SGCD: variants seen among roughly 807,000 people sequenced by gnomAD.
The protein encoded by SGCD is sarcoglycan delta, also known as delta-sarcoglycan.
Under a neutral mutation model 36.6 loss-of-function variants are expected in SGCD, and 18 were observed. The observed-to-expected ratio is 0.49, with a 90% CI of 0.34 to 0.73. SGCD has a LOEUF of 0.73. Among genes scored for constraint, SGCD ranks in the 30% least tolerant of loss-of-function variants. SGCD has a pLI of 0.01. For synonymous variants in SGCD, 133 were observed against 130.6 expected, an observed-to-expected ratio of 1.02 and a Z score of -0.12; for missense variants, 387 against 346.7, an observed-to-expected ratio of 1.12 and a Z score of -0.92.
At chr5:156,071,050 C>G (rs1279390373) in intron 1 of SGCD, among the ~76,000 whole-genome samples, 1 of 152,152 alleles carries the variant, frequency 6.6e-6, no homozygotes, top group African/African-American at 2.4e-5. Flanking sequence ...TGCTAGCGGT[C>G]TATCAATTTT....
At chr5:156,202,941 A>G (rs1169375806) in intron 3 of SGCD, among the ~76,000 whole-genome samples, 2 of 152,056 alleles carry the variant, frequency 1.3e-5, no homozygotes, top group Non-Finnish European at 2.9e-5. Flanking sequence ...TTGAATTTTC[A>G]TAGGCAAGCA....
At chr5:155,882,763 G>T (rs748630075) in intron 1 of SGCD, among the ~76,000 whole-genome samples, 2 of 152,252 alleles carry the variant, frequency 1.3e-5, no homozygotes, top group African/African-American at 2.4e-5. Flanking sequence ...TAGATGAAGG[G>T]CAGTAGGATT....
chr5:156,045,766 C>T (rs1759749802), intron 1 of SGCD, among the ~76,000 whole-genome samples: 1 of 152,096 alleles, frequency 6.6e-6, no homozygotes, highest in Admixed American at 6.6e-5. Flanking sequence ...ATCTCTTCTC[C>T]TGAAGACACT....
At chr5:155,795,877 A>T in the SGCD span, among the ~76,000 whole-genome samples, 1 of 152,188 alleles carries the variant, frequency 6.6e-6, no homozygotes, top group Non-Finnish European at 1.5e-5. Context: ...CTAAAGCCAG[A>T]TGCGTAAAGA....
the SGCD span, among the ~76,000 whole-genome samples, chr5:155,815,424 C>A: frequency 6.6e-6 from 1 of 152,156 alleles, no homozygotes; most frequent in Non-Finnish European, 1.5e-5. Flanking sequence ...TTGAGCTATC[C>A]ATTATCCTAG....
At chr5:156,663,495 C>A (rs1764018117) in intron 7 of SGCD, among the ~76,000 whole-genome samples, 1 of 149,268 alleles carries the variant, frequency 6.7e-6, no homozygotes, top group African/African-American at 2.5e-5. Context: ...CTTTTTATTT[C>A]ACTATTTCCA....
chr5:156,460,696 T>G (rs1039542280), intron 3 of SGCD, among the ~76,000 whole-genome samples: 5 of 152,104 alleles, frequency 3.3e-5, no homozygotes, highest in Admixed American at 1.3e-4. Flanking sequence ...AGTTAAGGGG[T>G]GACTCACTCT....
At chr5:156,605,369 A>C (rs1761391524) in intron 6 of SGCD, among the ~76,000 whole-genome samples, 1 of 152,190 alleles carries the variant, frequency 6.6e-6, no homozygotes. Flanking sequence ...GTCCCTACAA[A>C]GGACATGAAC....
At chr5:156,724,615 A>T (rs1755680647) in intron 7 of SGCD, among the ~76,000 whole-genome samples, 1 of 152,192 alleles carries the variant, frequency 6.6e-6, no homozygotes, top group Non-Finnish European at 1.5e-5. Flanking sequence ...TCCAAAAAAA[A>T]AAAAGAAAGA....
At chr5:156,241,305 C>A (rs1765301656) in intron 3 of SGCD, among the ~76,000 whole-genome samples, 1 of 147,434 alleles carries the variant, frequency 6.8e-6, no homozygotes, top group Admixed American at 6.8e-5. Flanking sequence ...TGTGCATAAT[C>A]TTTAGTTAGA....
Position 156,122,623 on chromosome 5 carries a change from C to T in SGCD, c.-207-1233C>T, listed in dbSNP as rs1338756860. ...GGGGGAAAAGAGTGGAAGATGAGGA[C>T]GGTGGTAAGAGAGATGCATCAAATA... On this transcript the variant is annotated intron_variant, in intron 2 of 9. Coordinates refer to the SGCD transcript ENST00000517913. 4.6e-5 allele frequency among the ~76,000 whole-genome samples: 7 copies of T among 151,556 alleles called. No homozygotes were observed. In the East Asian group the frequency reaches 7.8e-4, roughly 17 times the overall value.
intron 3 of SGCD, among the ~76,000 whole-genome samples, chr5:156,417,301 G>T (rs911940458): frequency 6.6e-6 from 1 of 152,082 alleles, no homozygotes; most frequent in Non-Finnish European, 1.5e-5. Context: ...CAAGCAATAA[G>T]GCTGTTGCAT....
At chr5:156,218,775 A>C (rs1232115241) in intron 3 of SGCD, among the ~76,000 whole-genome samples, 1 of 152,322 alleles carries the variant, frequency 6.6e-6, no homozygotes, top group East Asian at 1.9e-4. Flanking sequence ...GTACATGTGT[A>C]TATTCAGCCT....
chr5:156,609,179 G>A (rs11953741), intron 6 of SGCD, among the ~76,000 whole-genome samples: 5,399 of 152,064 alleles, frequency 0.036, 319 homozygotes, highest in African/African-American at 0.12. Context: ...GCAGTGGCTG[G>A]TACCGGTTGT....
At chr5:156,722,758 G>A (rs577650112) in intron 7 of SGCD, among the ~76,000 whole-genome samples, 1 of 152,226 alleles carries the variant, frequency 6.6e-6, no homozygotes, top group Non-Finnish European at 1.5e-5. Context: ...GTTATAGGTC[G>A]ACCATTCCAC....
At chr5:156,208,687 G>C (rs1409094554) in intron 3 of SGCD, among the ~76,000 whole-genome samples, 1 of 152,132 alleles carries the variant, frequency 6.6e-6, no homozygotes, top group East Asian at 1.9e-4. Context: ...ATTGTGTTTG[G>C]TCTTACAATT....
At chr5:156,619,659 C>T (rs775752320) in intron 6 of SGCD, among the ~76,000 whole-genome samples, 2 of 151,990 alleles carry the variant, frequency 1.3e-5, no homozygotes, top group Admixed American at 6.6e-5. Context: ...CCAGCAGAGG[C>T]CAAGGGGAAT....
intron 3 of SGCD, among the ~76,000 whole-genome samples, chr5:156,136,940 T>A (rs926010819): frequency 2.0e-5 from 3 of 152,118 alleles, no homozygotes; most frequent in African/African-American, 7.2e-5. Flanking sequence ...CATAGTTCAA[T>A]AAAGAAATCA....
chr5:156,527,040 C>A (rs562377133), intron 4 of SGCD, among the ~76,000 whole-genome samples: 1 of 152,106 alleles, frequency 6.6e-6, no homozygotes, highest in African/African-American at 2.4e-5. Flanking sequence ...AGTTGAGGGC[C>A]ACTGGGCAGG....
Sources: gnomAD v4.1 joint callset for allele counts (sites outside exome capture counted in the v4.1 genomes callset) on GRCh38, gnomAD v4.1.1 for gene constraint, MANE v1.5 for transcripts, NCBI Gene and HGNC (gene_info 2026-07-23, HGNC 2026-07-21) for gene names.